EYS: variants seen among roughly 807,000 people sequenced by gnomAD.
EYS encodes protein eyes shut homolog.
EYS carries 250 observed loss-of-function variants against 282.1 expected under a neutral mutation model. That is an observed-to-expected ratio of 0.89 (90% CI 0.80 to 0.98). The LOEUF is 0.98. Ranked by LOEUF, EYS falls within the 50% of genes least tolerant of loss-of-function variation. The pLI, the probability that EYS is intolerant of heterozygous loss-of-function variation, is 0.00. For synonymous variants in EYS, 1,355 were observed against 1,282.9 expected, an observed-to-expected ratio of 1.06 and a Z score of -1.20; for missense variants, 4,016 against 3,709.0, an observed-to-expected ratio of 1.08 and a Z score of -2.15.
intron 2 of EYS, among the ~76,000 whole-genome samples, chr6:65,563,844 A>G (rs981943547): frequency 6.6e-6 from 1 of 151,998 alleles, no homozygotes; most frequent in African/African-American, 2.4e-5. Flanking sequence ...TTGAGCAAAC[A>G]TGTGGCAGAT....
intron 32 of EYS, among the ~76,000 whole-genome samples, chr6:64,079,956 T>A (rs1007366086): frequency 6.6e-6 from 1 of 152,240 alleles, no homozygotes; most frequent in Admixed American, 6.5e-5. Flanking sequence ...ATTTTCTTAA[T>A]CCAGTCTATC....
At chr6:64,077,877 A>C (rs570124538) in intron 32 of EYS, among the ~76,000 whole-genome samples, 1 of 152,096 alleles carries the variant, frequency 6.6e-6, no homozygotes, top group African/African-American at 2.4e-5. Flanking sequence ...AGAATTCTGA[A>C]TTGGTTCAGT....
At chr6:65,330,140 G>A in intron 11 of EYS, 1 of 981,368 alleles carries the variant, frequency 1.0e-6, no homozygotes, top group East Asian at 1.1e-4. Flanking sequence ...TGAAACAGAA[G>A]AACCATGAGA....
chr6:64,656,481 A>T (rs546417332), intron 22 of EYS, among the ~76,000 whole-genome samples: 1 of 152,304 alleles, frequency 6.6e-6, no homozygotes, highest in East Asian at 1.9e-4. Flanking sequence ...GACCTTGAGC[A>T]AAAAGTTTGA....
chr6:63,951,528 G>A lies in EYS; in HGVS notation c.7055+32855C>T, dbSNP rs146630114. On this transcript the variant is annotated intron_variant, in intron 35 of 42. Coordinates refer to ENST00000503581, the MANE Select transcript of EYS (RefSeq NM_001142800.2). ...GTCTTTTCAATCTTCCTTTTCTACCGACCCATCTGACTTCTCCCCTCATCC... is the reference window on the plus strand; with the variant it reads ...GTCTTTTCAATCTTCCTTTTCTACCAACCCATCTGACTTCTCCCCTCATCC... 4.3e-3 allele frequency among the ~76,000 whole-genome samples: 659 copies of A among 151,722 alleles called. 7 individuals carry two copies. Among genetic ancestry groups the A allele is most frequent in the African/African-American group, 0.015 (601 of 41,348 alleles).
intron 12 of EYS, among the ~76,000 whole-genome samples, chr6:65,201,209 G>A (rs1222874811): frequency 6.6e-6 from 1 of 151,748 alleles, no homozygotes; most frequent in African/African-American, 2.4e-5. Flanking sequence ...TGTGGTGGAG[G>A]GGAAACACTG....
At chr6:65,473,928 T>C (rs905925969) in intron 5 of EYS, among the ~76,000 whole-genome samples, 2 of 151,570 alleles carry the variant, frequency 1.3e-5, no homozygotes, top group East Asian at 3.9e-4. Context: ...TTTTTTAGAG[T>C]AATGATGAGG....
intron 26 of EYS, among the ~76,000 whole-genome samples, chr6:64,530,378 C>A (rs1159157565): frequency 6.6e-6 from 1 of 151,872 alleles, no homozygotes; most frequent in Admixed American, 6.6e-5. Flanking sequence ...ATTCCTCTTT[C>A]TAGACAGATA....
In EYS at chr6:65,326,230, C is replaced by T. The variant is rs187542521; in HGVS notation, c.1766+8750G>A. Among the ~76,000 whole-genome samples the T allele has an allele frequency of 2.0e-3, 309 of 151,868 alleles. 2 individuals are homozygous for T. The highest frequency in any genetic ancestry group is 3.6e-3 in the Non-Finnish European group (244 of 67,858). ...TTAATTGCTTCTCAATCTTGTGTCA[C>T]GTTTAGAAAAGCCTCCTCATTTTAA... On this transcript the variant is annotated intron_variant, in intron 11 of 42. Transcript: ENST00000503581.
At chr6:64,681,210 A>AC (rs1331932419) in intron 22 of EYS, among the ~76,000 whole-genome samples, 2 of 152,222 alleles carry the variant, frequency 1.3e-5, no homozygotes, top group East Asian at 3.9e-4. Flanking sequence ...CCAGAACATG[A>AC]CCAAAGACAG....
chr6:64,251,463 C>T (rs1179368513), intron 30 of EYS, among the ~76,000 whole-genome samples: 2 of 151,962 alleles, frequency 1.3e-5, no homozygotes, highest in Non-Finnish European at 2.9e-5. Context: ...TTCAGGAATG[C>T]CAAGGGGGAT....
rs201530625 is a variant in EYS at position 65,402,161 on chromosome 6, ATCTC to A, written c.1184+313_1184+316del. 9.2e-3 allele frequency among the ~76,000 whole-genome samples: 1,399 copies of A among 151,850 alleles called. 31 individuals carry two copies. The highest frequency in any genetic ancestry group is 0.032 in the African/African-American group (1,318 of 41,498). On this transcript the variant is annotated intron_variant, in intron 7 of 42. Transcript: ENST00000503581. The stretch of plus-strand genomic sequence containing the variant: ...AACAAAAATAATACTATGGAGACAT[ATCTC>A]TCTCTTTTCTTTCTAGATCTTCAAT...
intron 29 of EYS, among the ~76,000 whole-genome samples, chr6:64,352,367 T>G (rs1228640390): frequency 6.6e-6 from 1 of 151,496 alleles, no homozygotes; most frequent in Non-Finnish European, 1.5e-5. Context: ...GCAAAATATT[T>G]TAGAACTATA....
intron 37 of EYS, among the ~76,000 whole-genome samples, chr6:63,789,446 T>C (rs1333184716): frequency 6.6e-6 from 1 of 152,214 alleles, no homozygotes; most frequent in African/African-American, 2.4e-5. Flanking sequence ...ATGAGGGTTC[T>C]GGTCAACCTG....
At chr6:64,899,227 T>C (rs1464694151) in intron 18 of EYS, among the ~76,000 whole-genome samples, 3 of 151,982 alleles carry the variant, frequency 2.0e-5, no homozygotes, top group Admixed American at 1.3e-4. Context: ...CCTCAGCAAA[T>C]GCAAAAGAAT....
intron 29 of EYS, among the ~76,000 whole-genome samples, chr6:64,356,739 A>G (rs1771836249): frequency 6.6e-6 from 1 of 151,676 alleles, no homozygotes; most frequent in Admixed American, 6.6e-5. Context: ...CACAGTTTCG[A>G]AGAAATATGC....
intron 26 of EYS, among the ~76,000 whole-genome samples, chr6:64,582,595 T>G (rs1766108808): frequency 6.6e-6 from 1 of 151,660 alleles, no homozygotes; most frequent in Admixed American, 6.6e-5. Context: ...TTTTTTTTTT[T>G]TTTTGCTTGC....
chr6:65,027,536 A>G (rs1403635108), intron 13 of EYS, among the ~76,000 whole-genome samples: 1 of 152,222 alleles, frequency 6.6e-6, no homozygotes, highest in Middle Eastern at 3.2e-3. Flanking sequence ...CATTCTAAAC[A>G]TTCTCTTCAA....
intron 22 of EYS, among the ~76,000 whole-genome samples, chr6:64,665,131 G>A (rs1396232315): frequency 2.0e-5 from 3 of 152,118 alleles, no homozygotes; most frequent in East Asian, 1.9e-4. Flanking sequence ...TAAATGAAAC[G>A]CTTGTTTTCC....
Sources: gnomAD v4.1 joint callset for allele counts (sites outside exome capture counted in the v4.1 genomes callset) on GRCh38, gnomAD v4.1.1 for gene constraint, MANE v1.5 for transcripts, NCBI Gene and HGNC (gene_info 2026-07-23, HGNC 2026-07-21) for gene names.